Variants in ABCD3 observed in about 807,000 individuals in gnomAD.
ABCD3 encodes ATP binding cassette subfamily D member 3.
In ABCD3, 41 loss-of-function variants were observed where a neutral mutation model predicts 105.5. That is an observed-to-expected ratio of 0.39 (90% CI 0.30 to 0.50). The LOEUF (loss-of-function observed/expected upper bound fraction) is 0.50, where lower values mean the gene tolerates loss of function less well. ABCD3 is among the 20% of genes least tolerant of loss of function. The pLI, the probability that ABCD3 is intolerant of heterozygous loss-of-function variation, is 0.84. For missense variants in ABCD3, 622 were observed against 806.3 expected, an observed-to-expected ratio of 0.77 and a Z score of 2.77; for synonymous variants, 258 against 269.0, an observed-to-expected ratio of 0.96 and a Z score of 0.40.
chr1:94,433,254 A>G (rs887273661), intron 1 of ABCD3, among the ~76,000 whole-genome samples: 4 of 151,412 alleles, frequency 2.6e-5, no homozygotes, highest in African/African-American at 9.7e-5. Flanking sequence ...TCCCGAGTTC[A>G]AGCGATTCTC....
chr1:94,467,794 C>T lies in ABCD3; in HGVS notation c.247-125C>T, dbSNP rs921998699. The T allele has an allele frequency of 1.9e-5, 13 of 675,416 alleles. 2 individuals are homozygous for T. The South Asian group carries it at 2.0e-4, about 11-fold the overall frequency. 41.8% of individuals were successfully genotyped at this position (675,416 alleles called of 1,614,324 possible). On this transcript the variant is annotated intron_variant, in intron 3 of 22. Transcript: ENST00000370214. ...TTAAAATTACTTATAGAAAAAATGT[C>T]AGCCAACTATATTGAAACTTACATA...
chr1:94,517,686 G>A lies in ABCD3; in HGVS notation c.*557G>A, dbSNP rs1361570417. The A allele has an allele frequency of 6.3e-6, 1 of 158,614 alleles. No individual in the cohort carries two copies. The highest frequency in any genetic ancestry group is 6.1e-5 in the Admixed American group (1 of 16,360). 9.8% of individuals were successfully genotyped at this position (158,614 alleles called of 1,614,324 possible). ...TGCCACAGTAATACTCATTCCTTGT[G>A]TGTGTCTTGGAGTGCATTTGACTCC... is the stretch of plus-strand genomic sequence containing the variant. On this transcript the variant is annotated 3_prime_UTR_variant, in exon 23 of 23. Transcript: ENST00000370214.
chr1:94,498,698 C>G lies in ABCD3; in HGVS notation c.1464+19C>G, dbSNP rs1055995072. The G allele has an allele frequency of 2.5e-6, 4 of 1,613,210 alleles. No homozygotes were observed. Among genetic ancestry groups the G allele is most frequent in the Non-Finnish European group, 3.4e-6 (4 of 1,179,854 alleles). On this transcript the variant is annotated intron_variant, in intron 17 of 22. Transcript: ENST00000370214. ...TGGTGAAGTAAGTACAAGTTGGCCT[C>G]AAAATTTTGCAGTCTTATTTTGCCA...
At chr1:94,487,850 CAT>C (rs1557683382) in intron 12 of ABCD3, 40 bp from the exon 13 acceptor site, 23 of 1,605,542 alleles carry the variant, frequency 1.4e-5, no homozygotes, top group Non-Finnish European at 2.0e-5. Context: ...AATTTTTAGT[CAT>C]AGAACTATAA....
At chr1:94,399,531 A>G in the ABCD3 span, among the ~76,000 whole-genome samples, 1 of 152,194 alleles carries the variant, frequency 6.6e-6, no homozygotes, top group South Asian at 2.1e-4. Context: ...CACACATGAG[A>G]AAGTTGAGAG....
At chr1:94,478,742 T>C in intron 8 of ABCD3, 1 of 858,252 alleles carries the variant, frequency 1.2e-6, no homozygotes, top group Non-Finnish European at 1.6e-6. Flanking sequence ...TACTTATTGT[T>C]TCAAAGTAAT....
At chr1:94,515,053 T>A in intron 21 of ABCD3, 93 bp from the exon 22 acceptor site, 2 of 1,009,802 alleles carry the variant, frequency 2.0e-6, no homozygotes, top group Non-Finnish European at 3.1e-6. Flanking sequence ...CTTTAGTCAC[T>A]GAAGACTGTC....
chr1:94,444,533 T>C (rs1570752787), intron 1 of ABCD3, among the ~76,000 whole-genome samples: 2 of 152,274 alleles, frequency 1.3e-5, no homozygotes, highest in South Asian at 4.1e-4. Context: ...AATATACGCA[T>C]TTAAGGTTAT....
intron 4 of ABCD3, chr1:94,472,102 C>G: frequency 2.4e-6 from 1 of 411,984 alleles, no homozygotes; most frequent in South Asian, 1.0e-4. Context: ...TATAAAGATT[C>G]TTAAACATTT....
intron 1 of ABCD3, among the ~76,000 whole-genome samples, chr1:94,433,826 T>C (rs1570740528): frequency 1.3e-5 from 2 of 148,864 alleles, no homozygotes; most frequent in South Asian, 4.3e-4. Flanking sequence ...TTTTTTTTTT[T>C]CCAGTTAAAA....
rs1649967221 is a variant in ABCD3 at position 94,498,972 on chromosome 1, C to A, written c.1558C>A (p.Arg520=). The change falls in exon 19 of 23, where the codon CGA becomes AGA. Residue 520 remains arginine, a synonymous_variant. Coordinates refer to ENST00000370214, the MANE Select transcript of ABCD3 (RefSeq NM_002858.4). The part of the protein sequence containing the change: ...QRPYMTLGTL[R]DQVIYPDGRE... ...ACCTTACATGACCCTTGGAACACTT[C>A]GAGATCAAGTGATATATCCAGATGG... 1 of 1,613,870 alleles carries A rather than the reference C, an allele frequency of 6.2e-7. No homozygotes were observed. The highest frequency in any genetic ancestry group is 1.3e-5 in the African/African-American group (1 of 74,982).
At chr1:94,516,160 A>C (rs1436656902) in intron 22 of ABCD3, among the ~76,000 whole-genome samples, 1 of 151,948 alleles carries the variant, frequency 6.6e-6, no homozygotes, top group Non-Finnish European at 1.5e-5. Flanking sequence ...GAAGTCAGAG[A>C]GCCTGGGTTC....
intron 10 of ABCD3, among the ~76,000 whole-genome samples, chr1:94,486,923 C>G (rs982280378): frequency 6.6e-6 from 1 of 152,156 alleles, no homozygotes; most frequent in Admixed American, 6.5e-5. Flanking sequence ...TCATGCAGGA[C>G]CTTGAATAAT....
chr1:94,484,654 G>T (rs1248800850), intron 10 of ABCD3, among the ~76,000 whole-genome samples: 2 of 152,142 alleles, frequency 1.3e-5, no homozygotes, highest in Non-Finnish European at 2.9e-5. Context: ...GGGCCTGGGG[G>T]AGGGATAGCA....
intron 16 of ABCD3, among the ~76,000 whole-genome samples, chr1:94,495,350 C>T (rs2101034436): frequency 6.6e-6 from 1 of 152,004 alleles, no homozygotes; most frequent in South Asian, 2.1e-4. Context: ...TTCTGAGAGC[C>T]CCAATAATAC....
In ABCD3 at chr1:94,517,076, G is replaced by A; in HGVS notation, c.1927G>A (p.Gly643Ser). ...GTACTACCTGCATATGGATGGCAGA[G>A]GCAACTATGAATTCAAACAGATAAC... ...HEYYLHMDGR[G>S]NYEFKQITED... Residue 643 changes from glycine to serine, a missense_variant, in exon 23 of 23, where the codon GGC becomes AGC. By Grantham distance (56) the Gly-to-Ser change is moderately conservative. Around this residue, in one of 4 missense-constraint regions of ABCD3, gnomAD observed 285 missense variants for 352.5 expected, o/e 0.81. Transcript: ENST00000370214. The A allele has an allele frequency of 6.2e-7, 1 of 1,611,030 alleles. No individual in the cohort carries two copies.
chr1:94,393,945 C>T, the ABCD3 span, among the ~76,000 whole-genome samples: 1 of 152,122 alleles, frequency 6.6e-6, no homozygotes, highest in Non-Finnish European at 1.5e-5. Context: ...AAACTGAATG[C>T]CTTGTGTCTC....
chr1:94,499,355 T>C, intron 19 of ABCD3, 140 bp from the exon 20 acceptor site: 1 of 999,364 alleles, frequency 1.0e-6, no homozygotes, highest in Non-Finnish European at 1.5e-6. Context: ...GGCTACCTTG[T>C]GCCACATTCT....
chr1:94,393,359 T>C, the ABCD3 span, among the ~76,000 whole-genome samples: 5,895 of 151,238 alleles, frequency 0.039, 397 homozygotes, highest in African/African-American at 0.14. Flanking sequence ...AGACTGTGGG[T>C]TGGGCATGGT....
Sources: gnomAD v4.1 joint callset for allele counts (sites outside exome capture counted in the v4.1 genomes callset) on GRCh38, gnomAD v4.1.1 for gene constraint, gnomAD v4.1.1 regional missense constraint, MANE v1.5 for transcripts, NCBI Gene and HGNC (gene_info 2026-07-23, HGNC 2026-07-21) for gene names.